The following SPPL2B variants were observed in gnomAD, a reference collection of about 807,000 sequenced individuals.
The protein encoded by SPPL2B is signal peptide peptidase like 2B, also known as signal peptide peptidase-like 2B.
Under a neutral mutation model 59.7 loss-of-function variants are expected in SPPL2B, and 39 were observed. The observed-to-expected ratio is 0.65, with a 90% confidence interval of 0.51 to 0.85. The LOEUF (loss-of-function observed/expected upper bound fraction) is 0.85. Ranked by LOEUF, SPPL2B falls within the 40% of genes least tolerant of loss-of-function variation. The pLI is 0.00. For missense variants in SPPL2B, 865 were observed against 849.0 expected (o/e 1.02, Z -0.23); for synonymous variants, 419 against 370.8 (o/e 1.13, Z -1.49).
intron 9 of SPPL2B, among the ~76,000 whole-genome samples, chr19:2,343,661 G>A (rs1189296190): frequency 3.9e-5 from 6 of 152,112 alleles, no homozygotes; most frequent in African/African-American, 9.7e-5. Context: ...CCAAGCAAGC[G>A]GCATTTGAAT....
At chr19:2,341,677 A>T (rs1384101001) in intron 8 of SPPL2B, 1 of 430,974 alleles carries the variant, frequency 2.3e-6, no homozygotes, top group Admixed American at 2.4e-5. Flanking sequence ...TGTGTATTGG[A>T]GCCACGGCAC....
In SPPL2B at chr19:2,337,942, G is replaced by T. The variant is rs1469319625; in HGVS notation, c.369+317G>T. ...ACACTCTCTGTGGGGATGGGATTGG[G>T]GTGGCTTCTGAGGAGCAGGTGGCCT... On this transcript the variant is annotated intron_variant, in intron 3 of 14. Coordinates refer to ENST00000613503, the MANE Select transcript of SPPL2B (RefSeq NM_152988.3). 224 of 281,266 alleles carry T rather than the reference G, an allele frequency of 8.0e-4. 4 individuals carry two copies. The highest frequency in any genetic ancestry group is 1.7e-4 in the Non-Finnish European group (25 of 148,672). The allele number at this position is 281,266 out of a possible 1,614,324, so 17.4% of individuals were successfully genotyped here.
intron 2 of SPPL2B, 35 bp from the exon 3 acceptor site, chr19:2,337,408 T>C: frequency 6.5e-7 from 1 of 1,547,338 alleles, no homozygotes; most frequent in South Asian, 1.2e-5. Flanking sequence ...GTGACTCACA[T>C]CACGTGAGAC....
At chr19:2,343,819 C>T (rs908233201) in intron 9 of SPPL2B, 146 bp from the exon 10 acceptor site, 6 of 630,184 alleles carry the variant, frequency 9.5e-6, no homozygotes, top group African/African-American at 1.8e-5. Context: ...AAAGCTCCTC[C>T]TGCGTGGTGC....
chr19:2,350,530 T>TC (rs1304501865), intron 13 of SPPL2B, among the ~76,000 whole-genome samples: 2 of 152,170 alleles, frequency 1.3e-5, no homozygotes, highest in Non-Finnish European at 2.9e-5. Flanking sequence ...ACACTCACGC[T>TC]CCCCCGTGTA....
chr19:2,345,534 C>T (rs1969316312), intron 13 of SPPL2B, among the ~76,000 whole-genome samples: 1 of 152,000 alleles, frequency 6.6e-6, no homozygotes, highest in African/African-American at 2.4e-5. Flanking sequence ...CCTGCATCCC[C>T]CTCTTTCTCA....
Position 2,338,729 on chromosome 19 carries a change from C to A in SPPL2B, c.370-23C>A, listed in dbSNP as rs370489118. 2.5e-6 allele frequency: 4 copies of A among 1,569,770 alleles called. No homozygotes were observed. The East Asian group carries it at 6.7e-5, about 26-fold the overall frequency. On this transcript the variant is annotated intron_variant, in intron 3 of 14. Coordinates refer to ENST00000613503, the MANE Select transcript of SPPL2B (RefSeq NM_152988.3). ...ACCCACTGCTGCGGGTGATGCCTGC[C>A]GCTCCCTCCTCTGGGCCCCCAGGTC...
chr19:2,343,061 T>G, intron 8 of SPPL2B, 150 bp from the exon 9 acceptor site: 2 of 662,290 alleles, frequency 3.0e-6, no homozygotes, highest in Non-Finnish European at 5.5e-6. Flanking sequence ...CCCACAGGTC[T>G]GGGGTCCTCA....
Position 2,352,528 on chromosome 19 carries a change from G to A in SPPL2B, c.1516-418G>A, listed in dbSNP as rs560625129. Among the ~76,000 whole-genome samples, 398 of 152,274 alleles carry A rather than the reference G, an allele frequency of 2.6e-3. 2 individuals carry two copies. Among genetic ancestry groups the A allele is most frequent in the African/African-American group, 9.3e-3 (385 of 41,562 alleles). ...TTCCAGTGCCGAGCTGGGCTCATGG[G>A]TCCCACAGATGGGACCATGGCCTGA... On this transcript the variant is annotated intron_variant, in intron 14 of 14. Transcript: ENST00000613503.
intron 13 of SPPL2B, among the ~76,000 whole-genome samples, chr19:2,350,262 G>A (rs955529233): frequency 6.1e-5 from 8 of 131,814 alleles, no homozygotes; most frequent in Admixed American, 8.2e-5. Flanking sequence ...GCTCTTATTC[G>A]CTTGATTCCG....
At chr19:2,349,007 C>T (rs1969704230) in intron 13 of SPPL2B, among the ~76,000 whole-genome samples, 1 of 147,050 alleles carries the variant, frequency 6.8e-6, no homozygotes, top group Non-Finnish European at 1.5e-5. Context: ...CGCTCTCATT[C>T]GCTTGATTCC....
rs1207930055 is a variant in SPPL2B at position 2,341,737 on chromosome 19, C to A, written c.956+723C>A. The A allele has an allele frequency of 1.0e-5, 4 of 395,360 alleles. No homozygotes were observed. The East Asian group carries it at 3.0e-4, about 30-fold the overall frequency. 24.5% of individuals were successfully genotyped at this position (395,360 alleles called of 1,614,324 possible). ...GAAAATATTTTGAATCCTTTGTACA[C>A]AAAGAGAAAATGAATCTTTTCAGTT... On this transcript the variant is annotated intron_variant, in intron 8 of 14. Transcript: ENST00000613503.
chr19:2,353,049 C>T lies in SPPL2B; in HGVS notation c.1619C>T (p.Pro540Leu), dbSNP rs1970018851. 2 of 1,612,146 alleles carry T rather than the reference C, an allele frequency of 1.2e-6. No homozygotes were observed. The highest frequency in any genetic ancestry group is 1.1e-5 in the South Asian group (1 of 91,046). Reference protein sequence around the residue: ...PLSPQPPSEEPATSPWPAEQS... With the variant: ...PLSPQPPSEELATSPWPAEQS... ...TCCCCGCAGCCGCCCAGCGAAGAAC[C>T]AGCCACATCCCCCTGGCCTGCTGAG... The change falls in exon 15 of 15, where the codon CCA becomes CTA. Residue 540 changes from proline to leucine, a missense_variant. Transcript: ENST00000613503.
In SPPL2B at chr19:2,353,168, G is replaced by C. The variant is rs756292683; in HGVS notation, c.1738G>C (p.Ala580Pro). Residue 580 changes from alanine to proline, a missense_variant, in exon 15 of 15, where the codon GCC becomes CCC. Ala to Pro is a conservative substitution (Grantham distance 27). Coordinates refer to ENST00000613503, the MANE Select transcript of SPPL2B (RefSeq NM_152988.3). Reference sequence around the variant, plus strand: ...AGCTGAATCCGAGGGCCGGGACCAGGCCCAGCCGTCCCCGGTAACCCAGCC... The same window carrying C: ...AGCTGAATCCGAGGGCCGGGACCAGCCCCAGCCGTCCCCGGTAACCCAGCC... ...SPAESEGRDQ[A>P]QPSPVTQPGA... The C allele has an allele frequency of 1.9e-6, 3 of 1,608,474 alleles. No individual in the cohort carries two copies. The African/African-American group carries it at 4.0e-5, about 21-fold the overall frequency.
intron 8 of SPPL2B, chr19:2,342,912 C>A: frequency 2.5e-6 from 1 of 396,258 alleles, no homozygotes; most frequent in South Asian, 2.8e-5. Flanking sequence ...GGACAGCGAC[C>A]GAGGAGACGC....
intron 3 of SPPL2B, 113 bp downstream of exon 3, chr19:2,337,738 T>A: frequency 9.0e-7 from 1 of 1,111,736 alleles, no homozygotes; most frequent in Non-Finnish European, 1.2e-6. Flanking sequence ...TAAAGGCAGA[T>A]CCATCTGTGG....
chr19:2,344,015 G>A lies in SPPL2B; in HGVS notation c.1089G>A (p.Val363=). 1.3e-6 allele frequency: 2 copies of A among 1,548,224 alleles called. No individual in the cohort carries two copies. Among genetic ancestry groups the A allele is most frequent in the East Asian group, 2.4e-5 (1 of 40,880 alleles). Residue 363 remains valine (V), a synonymous_variant, in exon 10 of 15, where the codon GTG becomes GTA. Coordinates refer to ENST00000613503, the MANE Select transcript of SPPL2B (RefSeq NM_152988.3). ...LVLFLYDIFF[V]FITPFLTKSG... ...TGTTCCTCTACGACATCTTCTTCGT[G>A]TTCATCACGCCCTTCCTGACCAAGG...
Position 2,344,666 on chromosome 19 carries a change from T to G in SPPL2B, c.1276+14T>G, listed in dbSNP as rs1023329631. 15 of 1,560,712 alleles carry G rather than the reference T, an allele frequency of 9.6e-6. No homozygotes were observed. Among genetic ancestry groups the G allele is most frequent in the Non-Finnish European group, 1.3e-5 (15 of 1,135,152 alleles). ...TTTTGGTGCCAGGTACTGAGGCGGG[T>G]GGAGCACACGGGTCCACGCTGTGGG... On this transcript the variant is annotated intron_variant, in intron 12 of 14. Coordinates refer to ENST00000613503, the MANE Select transcript of SPPL2B (RefSeq NM_152988.3).
intron 13 of SPPL2B, among the ~76,000 whole-genome samples, chr19:2,351,103 C>T (rs371693968): frequency 4.6e-5 from 7 of 152,202 alleles, no homozygotes; most frequent in African/African-American, 1.2e-4. Context: ...AGACACGTCT[C>T]GCAGCCCCCT....
Sources: gnomAD v4.1 joint callset for allele counts (sites outside exome capture counted in the v4.1 genomes callset) on GRCh38, gnomAD v4.1.1 for gene constraint, MANE v1.5 for transcripts, NCBI Gene and HGNC (gene_info 2026-07-23, HGNC 2026-07-21) for gene names.